Variants in CACNA1B observed in about 807,000 individuals in gnomAD.
CACNA1B encodes the protein calcium voltage-gated channel subunit alpha1 B.
CACNA1B carries 70 observed loss-of-function variants against 247.2 expected under a neutral mutation model. The ratio of observed to expected loss-of-function variants is 0.28; its 90% CI spans 0.23 to 0.35. The LOEUF (loss-of-function observed/expected upper bound fraction) is 0.35, where lower values mean the gene tolerates loss of function less well. Ranked by LOEUF, CACNA1B falls within the 10% of genes least tolerant of loss-of-function variation. The pLI, the probability that CACNA1B is intolerant of heterozygous loss-of-function variation, is 1.00. For synonymous variants in CACNA1B, 1,231 were observed against 1,294.4 expected (o/e 0.95, Z 1.05); for missense variants, 2,367 against 3,197.4 (o/e 0.74, Z 6.26).
intron 6 of CACNA1B, among the ~76,000 whole-genome samples, chr9:137,929,953 T>A (rs555583789): frequency 6.6e-6 from 1 of 152,140 alleles, no homozygotes; most frequent in Non-Finnish European, 1.5e-5. Flanking sequence ...CATGCCTGGC[T>A]AAGTTTTTAA....
intron 1 of CACNA1B, among the ~76,000 whole-genome samples, chr9:137,878,560 C>G (rs977053308): frequency 1.2e-4 from 19 of 152,156 alleles, no homozygotes; most frequent in Non-Finnish European, 2.4e-4. Context: ...GCCGTGCGCG[C>G]GCCTGGCTGC....
chr9:138,088,381 A>G (rs1288664362), intron 36 of CACNA1B, among the ~76,000 whole-genome samples: 3 of 152,072 alleles, frequency 2.0e-5, no homozygotes, highest in East Asian at 3.9e-4. Flanking sequence ...AAAAAAAAAA[A>G]TTGTTTTTTT....
chr9:137,923,549 T>C (rs1035651025), intron 6 of CACNA1B, among the ~76,000 whole-genome samples: 2 of 151,976 alleles, frequency 1.3e-5, no homozygotes, highest in Admixed American at 1.3e-4. Context: ...GCTATGGCTG[T>C]ACCATGGCTT....
At chr9:137,900,949 G>T (rs1957231351) in intron 3 of CACNA1B, among the ~76,000 whole-genome samples, 1 of 146,540 alleles carries the variant, frequency 6.8e-6, no homozygotes, top group Non-Finnish European at 1.5e-5. Flanking sequence ...TCTGTGCCTT[G>T]TGTCTGTGTG....
intron 6 of CACNA1B, among the ~76,000 whole-genome samples, chr9:137,940,130 AG>A (rs1337815736): frequency 1.3e-5 from 2 of 152,186 alleles, no homozygotes; most frequent in Non-Finnish European, 1.5e-5. Context: ...TGAAACAAAA[AG>A]CTAGTTCTTT....
At position 137,882,409 on chromosome 9, in the gene CACNA1B, C is replaced by T. The variant is rs1435187710; in HGVS notation, c.391-335C>T. Among the ~76,000 whole-genome samples the T allele has an allele frequency of 6.6e-6, 1 of 152,192 alleles. No individual in the cohort carries two copies. The highest frequency in any genetic ancestry group is 1.9e-4 in the East Asian group (1 of 5,182). ...GTCTTCCCCGAAGCAAGGCCCACTG[C>T]ATGGTGCTAGCAGGGAGATTGGGGC... On this transcript the variant is annotated intron_variant, in intron 2 of 46. Transcript: ENST00000371372. This position sits in a 1 kb window ranked among gnomAD's most constrained non-coding sequence, Gnocchi z 4.0.
intron 20 of CACNA1B, among the ~76,000 whole-genome samples, chr9:138,029,117 G>C (rs1356853446): frequency 6.6e-6 from 1 of 152,148 alleles, no homozygotes; most frequent in Non-Finnish European, 1.5e-5. Flanking sequence ...ATGTCAGCCA[G>C]AAAAGTCAAC....
chr9:138,043,929 G>C, intron 21 of CACNA1B, 29 bp downstream of exon 21: 1 of 1,607,796 alleles, frequency 6.2e-7, no homozygotes. Context: ...TGGTGTGTGT[G>C]GCCGCCCACT....
intron 10 of CACNA1B, among the ~76,000 whole-genome samples, chr9:137,964,189 A>G (rs1377555687): frequency 6.6e-6 from 1 of 152,176 alleles, no homozygotes; most frequent in Non-Finnish European, 1.5e-5. Flanking sequence ...CTTCTCATGG[A>G]GTATTTTACT....
Position 137,971,334 on chromosome 9 carries a change from G to A in CACNA1B, c.1334-49G>A. The A allele has an allele frequency of 7.3e-7, 1 of 1,377,926 alleles. No individual in the cohort carries two copies. Among genetic ancestry groups the A allele is most frequent in the African/African-American group, 1.4e-5 (1 of 70,044 alleles). The allele number at this position is 1,377,926 out of a possible 1,614,324, so 85.4% of individuals were successfully genotyped here. A position where few individuals can be genotyped will look rare whatever the true frequency, so the allele number is the denominator to read the frequency against. ...CTGTGGGGGTCCACAGGTGGGGTAG[G>A]CGGGTGCCCATTGGTCCCCACATCC... On this transcript the variant is annotated intron_variant, in intron 10 of 46. Coordinates refer to ENST00000371372, the MANE Select transcript of CACNA1B (RefSeq NM_000718.4). This position sits in a 1 kb window ranked among gnomAD's most constrained non-coding sequence, Gnocchi z 4.4.
chr9:138,101,076 G>T (rs1394697935), intron 37 of CACNA1B: 1 of 519,448 alleles, frequency 1.9e-6, no homozygotes, highest in Admixed American at 2.0e-5. Flanking sequence ...TGCCTTTGTT[G>T]CCATAACCTG....
rs1957213127 is a variant in CACNA1B at position 137,899,910 on chromosome 9, G to A, written c.531-13270G>A. Reference sequence around the variant, plus strand: ...ACCCTCTGAGGGGCTGGTCCAGGTTGATGGGGCGTGGGTAGGGCTCTGTGC... The same window carrying A: ...ACCCTCTGAGGGGCTGGTCCAGGTTAATGGGGCGTGGGTAGGGCTCTGTGC... On this transcript the variant is annotated intron_variant, in intron 3 of 46. Transcript: ENST00000371372. The surrounding 1 kb of genome is among the most constrained non-coding windows in gnomAD (Gnocchi z 5.0). 6.6e-6 allele frequency among the ~76,000 whole-genome samples: 1 copy of A among 152,166 alleles called. No homozygotes were observed. Among genetic ancestry groups the A allele is most frequent in the Admixed American group, 6.5e-5 (1 of 15,284 alleles).
chr9:137,888,268 G>A lies in CACNA1B; in HGVS notation c.530+5385G>A, dbSNP rs561685943. ...CCTCCGGAGTCTGTCACCCATCGGCGCAGGTGCCTTTCCCCTTCCGTGCCC... is the reference window on the plus strand; with the variant it reads ...CCTCCGGAGTCTGTCACCCATCGGCACAGGTGCCTTTCCCCTTCCGTGCCC... On this transcript the variant is annotated intron_variant, in intron 3 of 46. Transcript: ENST00000371372. This position sits in a 1 kb window ranked among gnomAD's most constrained non-coding sequence, Gnocchi z 4.7. Among the ~76,000 whole-genome samples, 3 of 151,968 alleles carry A rather than the reference G, an allele frequency of 2.0e-5. No homozygotes were observed. The highest frequency in any genetic ancestry group is 4.4e-5 in the Non-Finnish European group (3 of 67,958).
chr9:138,024,015 G>C (rs1310337547), intron 19 of CACNA1B, among the ~76,000 whole-genome samples: 4 of 152,226 alleles, frequency 2.6e-5, no homozygotes, highest in Non-Finnish European at 5.9e-5. Context: ...ACCTGTAAAA[G>C]GCTTGGCAGG....
chr9:137,999,240 TAAA>T (rs1370872416), intron 15 of CACNA1B, among the ~76,000 whole-genome samples: 6 of 129,894 alleles, frequency 4.6e-5, no homozygotes, highest in African/African-American at 2.3e-4. Flanking sequence ...CTAAAAAAAA[TAAA>T]AAATAAAAAA....
chr9:138,062,582 C>G (rs1488319157), intron 31 of CACNA1B, among the ~76,000 whole-genome samples: 1 of 152,126 alleles, frequency 6.6e-6, no homozygotes, highest in African/African-American at 2.4e-5. Flanking sequence ...CTCTTGGTGA[C>G]ACACACAGCT....
rs754441803 is a variant in CACNA1B, at chr9:138,120,697, G to T, written c.6305G>T (p.Arg2102Leu). 1.2e-5 allele frequency: 18 copies of T among 1,518,146 alleles called. No homozygotes were observed. The highest frequency in any genetic ancestry group is 1.6e-5 in the Non-Finnish European group (18 of 1,137,892). 94.0% of individuals were successfully genotyped at this position (1,518,146 alleles called of 1,614,324 possible). A position where few individuals can be genotyped will look rare whatever the true frequency, so the allele number is the denominator to read the frequency against. ...GGGCCTACAGGCTGCCGGCGGGAAC[G>T]AGAGCGCCGGCAGGAGCGGGGCCGG... ...GEGPTGCRRERERRQERGRSQ... is the reference protein window; with the variant it reads ...GEGPTGCRRELERRQERGRSQ... The change falls in exon 46 of 47, where the codon CGA becomes CTA. Residue 2102 changes from arginine to leucine, a missense_variant. Transcript: ENST00000371372.
chr9:138,030,273 C>T (rs1451194342), intron 20 of CACNA1B, among the ~76,000 whole-genome samples: 1 of 148,970 alleles, frequency 6.7e-6, no homozygotes, highest in African/African-American at 2.5e-5. Flanking sequence ...AGAAAGTTCC[C>T]GTTCATTGCT....
At chr9:138,042,494 G>A (rs1027205173) in intron 20 of CACNA1B, among the ~76,000 whole-genome samples, 1 of 152,146 alleles carries the variant, frequency 6.6e-6, no homozygotes. Context: ...AAACTTTTGG[G>A]AATACATATT....
Sources: allele counts gnomAD v4.1 joint callset (sites outside exome capture counted in the v4.1 genomes callset), GRCh38; gene constraint gnomAD v4.1.1; non-coding constraint Gnocchi (gnomAD v3.1); transcripts MANE v1.5; gene names NCBI Gene and HGNC (gene_info 2026-07-23, HGNC 2026-07-21).